The following KLF13 variants were observed in gnomAD, a reference collection of about 807,000 sequenced individuals.
The protein encoded by KLF13 is Krueppel-like factor 13.
In KLF13, 8 loss-of-function variants were observed where a neutral mutation model predicts 16.7. That is an observed-to-expected ratio of 0.48 (90% CI 0.28 to 0.87). KLF13 has a LOEUF of 0.87. Among genes scored for constraint, KLF13 ranks in the 40% least tolerant of loss-of-function variants. The pLI, the probability that KLF13 is intolerant of heterozygous loss-of-function variation, is 0.10. For missense variants in KLF13, 447 were observed against 452.2 expected (o/e 0.99, Z 0.10); for synonymous variants, 245 against 208.4 (o/e 1.18, Z -1.51).
chr15:31,368,921 C>G (rs2039516690), intron 1 of KLF13, among the ~76,000 whole-genome samples: 1 of 152,112 alleles, frequency 6.6e-6, no homozygotes, highest in South Asian at 2.1e-4. Flanking sequence ...AGCCCCACTC[C>G]CTAGACAGCA....
chr15:31,343,277 T>G (rs1488611005), intron 1 of KLF13, among the ~76,000 whole-genome samples: 1 of 152,116 alleles, frequency 6.6e-6, no homozygotes, highest in Admixed American at 6.5e-5. Flanking sequence ...AGGTCTGGGG[T>G]GGCCACATTT....
intron 1 of KLF13, among the ~76,000 whole-genome samples, chr15:31,328,717 T>C (rs2038769270): frequency 1.3e-5 from 2 of 152,222 alleles, no homozygotes; most frequent in African/African-American, 2.4e-5. Flanking sequence ...TACTTTGTAG[T>C]TGATTCATCT....
At chr15:31,394,600 C>T (rs2039929604) in intron 2 of KLF13, among the ~76,000 whole-genome samples, 1 of 152,026 alleles carries the variant, frequency 6.6e-6, no homozygotes. Flanking sequence ...TGGATATGGG[C>T]AGAGAGGATG....
intron 1 of KLF13, among the ~76,000 whole-genome samples, chr15:31,432,642 G>T (rs1045916085): frequency 6.6e-6 from 1 of 151,722 alleles, no homozygotes. Context: ...TAGAGATGGG[G>T]CCTTGCTTTG....
chr15:31,434,721 T>C (rs922842378), intron 1 of KLF13, among the ~76,000 whole-genome samples: 5 of 152,200 alleles, frequency 3.3e-5, no homozygotes, highest in Admixed American at 3.3e-4. Context: ...AGCAGGCTTC[T>C]TGGAGCTCCC....
intron 1 of KLF13, among the ~76,000 whole-genome samples, chr15:31,342,931 A>C (rs1404145733): frequency 6.6e-6 from 1 of 152,204 alleles, no homozygotes; most frequent in Non-Finnish European, 1.5e-5. Flanking sequence ...TAAGGAGAGC[A>C]TGGCCTTCCT....
chr15:31,384,970 C>A (rs897659741), intron 1 of KLF13, among the ~76,000 whole-genome samples: 1 of 152,104 alleles, frequency 6.6e-6, no homozygotes, highest in Non-Finnish European at 1.5e-5. Flanking sequence ...GGAGGTAAGG[C>A]CTTGGGGAGG....
chr15:31,434,777 G>T (rs1380574540), intron 1 of KLF13, among the ~76,000 whole-genome samples: 1 of 152,188 alleles, frequency 6.6e-6, no homozygotes, highest in Non-Finnish European at 1.5e-5. Context: ...ACGCCTCCCT[G>T]CCCCAGCCAC....
intron 1 of KLF13, among the ~76,000 whole-genome samples, chr15:31,331,644 CA>C: frequency 6.6e-6 from 1 of 152,328 alleles, no homozygotes; most frequent in Admixed American, 6.5e-5. Context: ...GAGACACACA[CA>C]GGCCAGTGGC....
chr15:31,427,154 T>C lies in KLF13; in HGVS notation n.118-8216T>C, dbSNP rs554559345. 2.4e-3 allele frequency among the ~76,000 whole-genome samples: 370 copies of C among 152,292 alleles called. 2 individuals are homozygous for C. Among genetic ancestry groups the C allele is most frequent in the African/African-American group, 8.2e-3 (339 of 41,564 alleles). ...TGGGACTTCTCACTCTCCATAATCA[T>C]GTAAGCGAGTTCCCCTAATAAATCC... On this transcript the variant is annotated intron_variant and non_coding_transcript_variant, in intron 1 of 1. Transcript: ENST00000558225.
chr15:31,380,279 C>T (rs866748968), downstream of KLF13, among the ~76,000 whole-genome samples: 1 of 152,162 alleles, frequency 6.6e-6, no homozygotes, highest in African/African-American at 2.4e-5. Context: ...ACAACAAGAG[C>T]GAAACTCTGT....
downstream of KLF13, among the ~76,000 whole-genome samples, chr15:31,405,356 C>T (rs908068921): frequency 4.6e-5 from 7 of 152,200 alleles, no homozygotes; most frequent in African/African-American, 1.4e-4. Flanking sequence ...TTGGAGAACC[C>T]CCTCTCCTCT....
At chr15:31,384,414 A>G (rs879301448) in intron 1 of KLF13, among the ~76,000 whole-genome samples, 1 of 152,222 alleles carries the variant, frequency 6.6e-6, no homozygotes, top group Non-Finnish European at 1.5e-5. Context: ...CCTGGGTGAG[A>G]GTGAGGCTCC....
chr15:31,362,953 A>G (rs923372887), intron 1 of KLF13, among the ~76,000 whole-genome samples: 1 of 152,218 alleles, frequency 6.6e-6, no homozygotes, highest in Admixed American at 6.5e-5. Flanking sequence ...CAGTGGAAGG[A>G]CATGAGTTGT....
At chr15:31,426,278 T>C (rs912006658) in intron 1 of KLF13, among the ~76,000 whole-genome samples, 19 of 152,184 alleles carry the variant, frequency 1.2e-4, no homozygotes, top group African/African-American at 4.1e-4. Flanking sequence ...ATAATGAAAT[T>C]TGATTCTTAT....
chr15:31,327,690 C>G lies in KLF13; in HGVS notation c.478C>G (p.Leu160Val). ...RVRRGRSRAD[L>V]ESPQRKHKCH... ...CCGGCGGGGCCGAAGTCGCGCCGAC[C>G]TCGAGTCCCCGCAGAGGAAGCACAA... The change falls in exon 1 of 2, where the codon CTC becomes GTC. Residue 160 changes from leucine to valine, a missense_variant. Physicochemically the swap from Leu to Val is conservative, Grantham distance 32 (BLOSUM62 1). Around this residue, in one of 2 missense-constraint regions of KLF13, gnomAD observed 359 missense variants for 282.8 expected, o/e 1.27. Coordinates refer to ENST00000307145, the MANE Select transcript of KLF13 (RefSeq NM_015995.4). The G allele has an allele frequency of 6.5e-7, 1 of 1,532,806 alleles. No individual in the cohort carries two copies. The highest frequency in any genetic ancestry group is 2.7e-5 in the East Asian group (1 of 37,142). The allele number at this position is 1,532,806 out of a possible 1,614,324, so 95.0% of individuals were successfully genotyped here.
chr15:31,353,903 G>A (rs961389070), intron 1 of KLF13, among the ~76,000 whole-genome samples: 5 of 152,224 alleles, frequency 3.3e-5, no homozygotes, highest in African/African-American at 1.2e-4. Context: ...ACAGAAACCA[G>A]GCTGCTTCTG....
rs1481146401 is a variant in KLF13 at position 31,327,436 on chromosome 15, C to A, written c.224C>A (p.Ala75Glu). 5.6e-6 allele frequency: 7 copies of A among 1,244,520 alleles called. No individual in the cohort carries two copies. The highest frequency in any genetic ancestry group is 4.2e-5 in the Admixed American group (1 of 23,728). 77.1% of individuals were successfully genotyped at this position (1,244,520 alleles called of 1,614,324 possible). ...ARILADLNQQAPAPAPAERRE... is the reference protein window; with the variant it reads ...ARILADLNQQEPAPAPAERRE... ...ATCCTAGCGGACCTCAACCAGCAAG[C>A]GCCGGCGCCCGCCCCGGCGGAGCGC... Residue 75 changes from alanine to glutamate, a missense_variant, in exon 1 of 2, where the codon GCG (alanine) becomes GAG (glutamate). By Grantham distance (107) the Ala-to-Glu change is moderately radical (BLOSUM62 -1). This residue lies in a region of KLF13 where 359 missense variants were observed against 282.8 expected (regional missense o/e 1.27). Coordinates refer to ENST00000307145, the MANE Select transcript of KLF13 (RefSeq NM_015995.4).
chr15:31,370,718 C>A (rs1039852917), intron 1 of KLF13, among the ~76,000 whole-genome samples: 1 of 152,148 alleles, frequency 6.6e-6, no homozygotes, highest in African/African-American at 2.4e-5. Context: ...CGCGCCTGGC[C>A]GTTTTTGCTC....
Sources: allele counts gnomAD v4.1 joint callset (sites outside exome capture counted in the v4.1 genomes callset), GRCh38; gene constraint gnomAD v4.1.1; regional missense constraint gnomAD v4.1.1; transcripts MANE v1.5; gene names NCBI Gene and HGNC (gene_info 2026-07-23, HGNC 2026-07-21).